DLG2: variants seen among roughly 807,000 people sequenced by gnomAD.
The protein encoded by DLG2 is discs large MAGUK scaffold protein 2, also known as disks large homolog 2.
DLG2 carries 45 observed loss-of-function variants against 132.5 expected under a neutral mutation model. The ratio of observed to expected loss-of-function variants is 0.34; its 90% CI spans 0.27 to 0.44. DLG2 has a LOEUF of 0.44. Ranked by LOEUF, DLG2 falls within the 20% of genes least tolerant of loss-of-function variation. The pLI is 1.00. For synonymous variants in DLG2, 424 were observed against 419.6 expected (o/e 1.01, Z -0.13); for missense variants, 1,045 against 1,196.9 (o/e 0.87, Z 1.87).
intron 7 of DLG2, among the ~76,000 whole-genome samples, chr11:84,285,913 G>A (rs1185991466): frequency 1.3e-5 from 2 of 152,142 alleles, no homozygotes; most frequent in Non-Finnish European, 2.9e-5. Flanking sequence ...ATAAATGAAT[G>A]AATTTCATTC....
chr11:84,409,505 A>G (rs2098886645), intron 7 of DLG2, among the ~76,000 whole-genome samples: 1 of 152,232 alleles, frequency 6.6e-6, no homozygotes, highest in South Asian at 2.1e-4. Context: ...AATACATACA[A>G]CATGTTGCAC....
rs61899048 is a variant in DLG2, at chr11:84,731,151, T to C, written c.358-196420A>G. 5.0e-3 allele frequency among the ~76,000 whole-genome samples: 765 copies of C among 152,230 alleles called. 4 individuals are homozygous for C. Among genetic ancestry groups the C allele is most frequent in the South Asian group, 7.9e-3 (38 of 4,826 alleles). On this transcript the variant is annotated intron_variant, in intron 6 of 27. Transcript: ENST00000376104. The stretch of plus-strand genomic sequence containing the variant: ...CAAGGACTGTCAATCTCAAATGTAA[T>C]GCATTGGAAGATGTGCATTGTATTT...
At chr11:84,153,320 G>C (rs562563226) in intron 9 of DLG2, among the ~76,000 whole-genome samples, 5 of 151,996 alleles carry the variant, frequency 3.3e-5, no homozygotes, top group African/African-American at 1.2e-4. Context: ...TGTTTCTTGG[G>C]GTTGGTCATC....
At chr11:83,895,199 T>C (rs1292312869) in intron 15 of DLG2, among the ~76,000 whole-genome samples, 3 of 144,294 alleles carry the variant, frequency 2.1e-5, no homozygotes, top group African/African-American at 7.6e-5. Context: ...TTGCCCAGGT[T>C]GCCAGGCTGG....
chr11:84,761,103 G>A (rs541494840), intron 6 of DLG2, among the ~76,000 whole-genome samples: 1 of 152,308 alleles, frequency 6.6e-6, no homozygotes, highest in East Asian at 1.9e-4. Flanking sequence ...AACATACAAG[G>A]TGTCTGAAAA....
intron 15 of DLG2, among the ~76,000 whole-genome samples, chr11:83,877,418 T>G (rs1171221635): frequency 6.6e-6 from 1 of 152,128 alleles, no homozygotes; most frequent in Non-Finnish European, 1.5e-5. Flanking sequence ...CCAAGATTAA[T>G]AAGTAACTGT....
At chr11:84,887,233 A>C (rs1332797951) in intron 6 of DLG2, 4 of 152,150 alleles carry the variant, frequency 2.6e-5, no homozygotes, top group Admixed American at 6.6e-5. Context: ...AAATTGCTCT[A>C]CAAATAGTAT....
intron 18 of DLG2, among the ~76,000 whole-genome samples, chr11:83,690,284 A>G (rs1369211804): frequency 6.6e-6 from 1 of 151,386 alleles, no homozygotes; most frequent in Non-Finnish European, 1.5e-5. Context: ...AGCACAGACC[A>G]AGCACTAAAG....
At chr11:85,323,270 G>T (rs1404680994) in intron 3 of DLG2, among the ~76,000 whole-genome samples, 2 of 152,064 alleles carry the variant, frequency 1.3e-5, no homozygotes, top group Non-Finnish European at 2.9e-5. Flanking sequence ...AACTCCAAAG[G>T]ATCTCTTTCC....
At chr11:85,516,060 A>C (rs1461316005) in intron 3 of DLG2, among the ~76,000 whole-genome samples, 1 of 152,012 alleles carries the variant, frequency 6.6e-6, no homozygotes, top group Non-Finnish European at 1.5e-5. Context: ...AATCAAATAC[A>C]TTGACTCTCT....
chr11:84,118,170 G>A (rs2093728161), intron 9 of DLG2, among the ~76,000 whole-genome samples: 1 of 152,080 alleles, frequency 6.6e-6, no homozygotes. Flanking sequence ...CTTTATCTTA[G>A]TAATTCCTCT....
At chr11:84,877,820 G>A (rs1347029371) in intron 6 of DLG2, among the ~76,000 whole-genome samples, 2 of 152,094 alleles carry the variant, frequency 1.3e-5, no homozygotes, top group African/African-American at 4.8e-5. Context: ...CTGTCCATCT[G>A]ACAAAGGGCT....
intron 11 of DLG2, among the ~76,000 whole-genome samples, chr11:84,000,840 C>G (rs1423862657): frequency 6.6e-6 from 1 of 152,090 alleles, no homozygotes; most frequent in Non-Finnish European, 1.5e-5. Context: ...TAGACCAGCT[C>G]TATAAGAAAT....
At chr11:84,593,059 C>T (rs1408143926) in intron 6 of DLG2, among the ~76,000 whole-genome samples, 1 of 142,250 alleles carries the variant, frequency 7.0e-6, no homozygotes, top group African/African-American at 2.6e-5. Flanking sequence ...ATGGAGGTTG[C>T]AGTGAGCCAA....
Position 83,770,255 on chromosome 11 carries a change from G to GTTTTTTTTTTTTTTTTTTT in DLG2, c.1825+16434_1825+16435insAAAAAAAAAAAAAAAAAAA, listed in dbSNP as rs143065797. On this transcript the variant is annotated intron_variant, in intron 18 of 27. Coordinates refer to ENST00000376104, the MANE Select transcript of DLG2 (RefSeq NM_001142699.3). The stretch of plus-strand genomic sequence containing the variant: ...TACCTTTTGTCTCGTGGTGTCTGGT[G>GTTTTTTTTTTTTTTTTTTT]TTTTTTTTTGTTTTTTTGCTTTTTG... Among the ~76,000 whole-genome samples the GTTTTTTTTTTTTTTTTTTT allele has an allele frequency of 3.5e-4, 38 of 109,878 alleles. 2 individuals carry two copies. The highest frequency in any genetic ancestry group is 9.0e-4 in the African/African-American group (22 of 24,420). 72.1% of individuals were successfully genotyped at this position (109,878 alleles called of 152,430 possible). A position where few individuals can be genotyped will look rare whatever the true frequency, so the allele number is the denominator to read the frequency against.
intron 7 of DLG2, among the ~76,000 whole-genome samples, chr11:84,518,210 C>T (rs2099279496): frequency 1.1e-5 from 1 of 92,660 alleles, no homozygotes; most frequent in Non-Finnish European, 2.5e-5. Context: ...TCAGAACCTA[C>T]AAAGAGTTTA....
In DLG2 at chr11:84,287,677, C is replaced by T. The variant is rs575339235; in HGVS notation, c.520-36386G>A. ...TTACCTCTTCCTCCCTCCATCTCTC[C>T]TTTCTTCTCTCTTCCTTACTTCTAC... On this transcript the variant is annotated intron_variant, in intron 7 of 27. Coordinates refer to ENST00000376104, the MANE Select transcript of DLG2 (RefSeq NM_001142699.3). Among the ~76,000 whole-genome samples the T allele has an allele frequency of 3.3e-5, 5 of 151,168 alleles. 1 individual carries two copies. In the South Asian group the frequency reaches 6.3e-4, roughly 19 times the overall value.
intron 17 of DLG2, among the ~76,000 whole-genome samples, chr11:83,826,186 G>A (rs2052721976): frequency 6.6e-6 from 1 of 152,192 alleles, no homozygotes; most frequent in Admixed American, 6.5e-5. Flanking sequence ...TGTGATGGGT[G>A]ATGTTTATAT....
At chr11:85,284,696 G>T (rs1356130985) in intron 4 of DLG2, among the ~76,000 whole-genome samples, 1 of 151,694 alleles carries the variant, frequency 6.6e-6, no homozygotes, top group Non-Finnish European at 1.5e-5. Context: ...AACTCTAATT[G>T]CTTTATATTT....
Sources: allele counts gnomAD v4.1 joint callset (sites outside exome capture counted in the v4.1 genomes callset), GRCh38; gene constraint gnomAD v4.1.1; transcripts MANE v1.5; gene names NCBI Gene and HGNC (gene_info 2026-07-23, HGNC 2026-07-21).